Variants in PALD1 observed in about 807,000 individuals in gnomAD.
The protein encoded by PALD1 is paladin.
A neutral mutation model predicts 96.0 loss-of-function variants in PALD1; 57 were observed. That is an observed-to-expected ratio of 0.59 (90% CI 0.48 to 0.74). PALD1 has a LOEUF of 0.74. PALD1 is among the 30% of genes least tolerant of loss of function. PALD1 has a pLI of 0.00. For synonymous variants in PALD1, 464 were observed against 473.6 expected, an observed-to-expected ratio of 0.98 and a Z score of 0.26; for missense variants, 1,063 against 1,143.7, an observed-to-expected ratio of 0.93 and a Z score of 1.02.
chr10:70,557,995 G>A (rs35087896), intron 18 of PALD1, among the ~76,000 whole-genome samples: 18,115 of 142,490 alleles, frequency 0.13, 1,471 homozygotes, highest in Non-Finnish European at 0.17. Flanking sequence ...GTGCAGTGGC[G>A]CAGTCATGGT....
chr10:70,522,138 G>C (rs1162133169), intron 1 of PALD1, among the ~76,000 whole-genome samples: 2 of 152,178 alleles, frequency 1.3e-5, no homozygotes, highest in Non-Finnish European at 2.9e-5. Context: ...GTCACACTGG[G>C]GAGTGTCTTT....
At chr10:70,544,962 C>T (rs1205428469) in intron 17 of PALD1, among the ~76,000 whole-genome samples, 1 of 152,248 alleles carries the variant, frequency 6.6e-6, no homozygotes, top group Non-Finnish European at 1.5e-5. Context: ...AAAGGCCCTT[C>T]CCTGTTCTTA....
At chr10:70,562,148 G>A (rs1336327820) in intron 18 of PALD1, among the ~76,000 whole-genome samples, 1 of 152,192 alleles carries the variant, frequency 6.6e-6, no homozygotes, top group Non-Finnish European at 1.5e-5. Context: ...AGTTTAAATG[G>A]CAGAACCAGG....
intron 1 of PALD1, among the ~76,000 whole-genome samples, chr10:70,514,171 C>T (rs777296822): frequency 6.6e-6 from 1 of 152,194 alleles, no homozygotes; most frequent in Non-Finnish European, 1.5e-5. Flanking sequence ...GCTGCATGCC[C>T]ACCTTGACTT....
chr10:70,483,274 G>A (rs1845965126), intron 1 of PALD1, among the ~76,000 whole-genome samples: 1 of 152,168 alleles, frequency 6.6e-6, no homozygotes, highest in Non-Finnish European at 1.5e-5. Flanking sequence ...CCCTTGTGAA[G>A]CGTTTTGTGT....
chr10:70,542,670 A>T (rs114679274), intron 17 of PALD1, among the ~76,000 whole-genome samples: 1 of 152,198 alleles, frequency 6.6e-6, no homozygotes, highest in African/African-American at 2.4e-5. Context: ...TTGTTTCTCC[A>T]TTCCTCCATC....
chr10:70,555,342 A>G (rs567509455), intron 18 of PALD1, among the ~76,000 whole-genome samples: 1 of 152,192 alleles, frequency 6.6e-6, no homozygotes, highest in African/African-American at 2.4e-5. Context: ...TGAGAACAGG[A>G]CAAATTTTAT....
chr10:70,497,447 C>T (rs753505198), intron 1 of PALD1, among the ~76,000 whole-genome samples: 15 of 152,234 alleles, frequency 9.9e-5, no homozygotes, highest in Admixed American at 2.6e-4. Context: ...TCGCACAGCT[C>T]TCCTGACTGT....
chr10:70,513,553 C>T (rs1213633019), intron 1 of PALD1, among the ~76,000 whole-genome samples: 1 of 152,118 alleles, frequency 6.6e-6, no homozygotes, highest in Admixed American at 6.5e-5. Context: ...AAACTCCTGT[C>T]TGCCAACACC....
intron 1 of PALD1, among the ~76,000 whole-genome samples, chr10:70,517,896 G>A (rs972368859): frequency 2.6e-5 from 4 of 151,744 alleles, no homozygotes; most frequent in African/African-American, 9.7e-5. Flanking sequence ...CCTTTTTGGG[G>A]TTGTTTTTTT....
At chr10:70,517,342 A>ATTT (rs35816076) in intron 1 of PALD1, among the ~76,000 whole-genome samples, 2 of 137,632 alleles carry the variant, frequency 1.5e-5, no homozygotes, top group Non-Finnish European at 3.2e-5. Flanking sequence ...TTAAGTGTTC[A>ATTT]TTTTTTTTTT....
chr10:70,543,597 A>G (rs1433641735), intron 17 of PALD1, among the ~76,000 whole-genome samples: 1 of 152,126 alleles, frequency 6.6e-6, no homozygotes, highest in African/African-American at 2.4e-5. Context: ...ATTCTTTTGC[A>G]TGTGGATATC....
At position 70,539,084 on chromosome 10, in the gene PALD1, G is replaced by A; in HGVS notation, c.1570-8G>A. 1 of 1,613,822 alleles carries A rather than the reference G, an allele frequency of 6.2e-7. No homozygotes were observed. Among genetic ancestry groups the A allele is most frequent in the South Asian group, 1.1e-5 (1 of 91,072 alleles). ...CTGAGCACTCACTGCCGGCCCTCCT[G>A]TGCCCAGGCCCTGGGGAGCATCCTG... On this transcript the variant is annotated splice_region_variant and splice_polypyrimidine_tract_variant and intron_variant, in intron 13 of 19. Coordinates refer to ENST00000263563, the MANE Select transcript of PALD1 (RefSeq NM_014431.3). The surrounding 1 kb of genome is among the most constrained non-coding windows in gnomAD (Gnocchi z 4.5).
chr10:70,554,018 G>A (rs937981228), intron 18 of PALD1, among the ~76,000 whole-genome samples: 5 of 152,326 alleles, frequency 3.3e-5, no homozygotes, highest in Admixed American at 6.5e-5. Context: ...CAAGCAGCCC[G>A]ACTTCACGGG....
At chr10:70,478,636 C>T (rs2132247272), upstream of PALD1, among the ~76,000 whole-genome samples, 1 of 152,156 alleles carries the variant, frequency 6.6e-6, no homozygotes, top group East Asian at 1.9e-4. Flanking sequence ...CGCGTTCCTC[C>T]CGCCCGGGGG....
chr10:70,475,835 C>T (rs934389589), upstream of PALD1, among the ~76,000 whole-genome samples: 3 of 152,094 alleles, frequency 2.0e-5, no homozygotes, highest in Admixed American at 2.0e-4. Flanking sequence ...TCTGTCGGGG[C>T]GTGAGTAACA....
intron 16 of PALD1, 98 bp from the exon 17 acceptor site, chr10:70,541,365 G>T: frequency 6.6e-7 from 1 of 1,522,710 alleles, no homozygotes; most frequent in Non-Finnish European, 9.1e-7. Context: ...TGGTCCCAGA[G>T]CCCCTTCCAT....
chr10:70,538,154 C>T (rs1454119826), intron 11 of PALD1, 126 bp from the exon 12 acceptor site: 3 of 1,040,850 alleles, frequency 2.9e-6, no homozygotes, highest in South Asian at 3.0e-5. Context: ...CTCTCAGCCA[C>T]TCCCTTGTCC....
chr10:70,492,603 C>T (rs1846120333), intron 1 of PALD1, among the ~76,000 whole-genome samples: 1 of 151,886 alleles, frequency 6.6e-6, no homozygotes, highest in Non-Finnish European at 1.5e-5. Context: ...ATTACAGGTA[C>T]CTGCCACCAC....
Sources: allele counts gnomAD v4.1 joint callset (sites outside exome capture counted in the v4.1 genomes callset), GRCh38; gene constraint gnomAD v4.1.1; non-coding constraint Gnocchi (gnomAD v3.1); transcripts MANE v1.5; gene names NCBI Gene and HGNC (gene_info 2026-07-23, HGNC 2026-07-21).